Variants in CNOT1 observed in about 807,000 individuals in gnomAD.
CNOT1 encodes CCR4-NOT transcription complex subunit 1, also known as CCR4-associated factor 1.
CNOT1 carries 15 observed loss-of-function variants against 273.8 expected under a neutral mutation model. The observed-to-expected ratio is 0.05, with a 90% CI of 0.04 to 0.08. The LOEUF is 0.08. Ranked by LOEUF, CNOT1 falls within the 10% of genes least tolerant of loss-of-function variation. The probability of loss-of-function intolerance (pLI) is 1.00; values close to 1 mark genes in which losing one functional copy is unlikely to be tolerated. For synonymous variants in CNOT1, 1,022 were observed against 1,005.5 expected, an observed-to-expected ratio of 1.02 and a Z score of -0.31; for missense variants, 1,644 against 2,912.2, an observed-to-expected ratio of 0.56 and a Z score of 10.02.
At chr16:58,552,384 T>A (rs1364477067) in intron 22 of CNOT1, among the ~76,000 whole-genome samples, 4 of 152,118 alleles carry the variant, frequency 2.6e-5, no homozygotes, top group African/African-American at 9.7e-5. Flanking sequence ...ATTTCTCAAG[T>A]AGGAAAGAGT....
rs148804043 is a variant in CNOT1 at position 58,521,522 on chromosome 16, C to G, written c.6918-205G>C. On this transcript the variant is annotated intron_variant, in intron 47 of 48. Transcript: ENST00000317147. ...GAACCCTGCTCTTAGCCGTAGAAGA[C>G]TAAGTATTTATATAAAGTGCAGATA... Among the ~76,000 whole-genome samples, 6 of 152,286 alleles carry G rather than the reference C, an allele frequency of 3.9e-5. No homozygotes were observed. In the East Asian group the frequency reaches 7.7e-4, roughly 20 times the overall value.
At chr16:58,586,890 T>C in intron 6 of CNOT1, 142 bp from the exon 7 acceptor site, 1 of 1,040,486 alleles carries the variant, frequency 9.6e-7, no homozygotes, top group Non-Finnish European at 1.4e-6. Flanking sequence ...AGCTGACAGG[T>C]ATAAAGAAAC....
chr16:58,536,951 T>A, intron 39 of CNOT1, 38 bp downstream of exon 39: 4 of 1,608,262 alleles, frequency 2.5e-6, no homozygotes, highest in Non-Finnish European at 3.4e-6. Flanking sequence ...ACCCTACTTA[T>A]GTTGAATAAA....
intron 1 of CNOT1, among the ~76,000 whole-genome samples, chr16:58,629,297 G>A (rs948745464): frequency 5.3e-5 from 8 of 152,206 alleles, no homozygotes; most frequent in African/African-American, 1.9e-4. Flanking sequence ...CTCGGAAGCC[G>A]ATGCCCACTG....
chr16:58,554,243 AAGT>A (rs1292017378), intron 21 of CNOT1, among the ~76,000 whole-genome samples: 1 of 152,144 alleles, frequency 6.6e-6, no homozygotes, highest in African/African-American at 2.4e-5. Flanking sequence ...GTAGTAACGT[AAGT>A]CTCAAAAAAC....
At chr16:58,569,814 G>A (rs570858591) in intron 16 of CNOT1, among the ~76,000 whole-genome samples, 6 of 152,056 alleles carry the variant, frequency 3.9e-5, no homozygotes, top group African/African-American at 9.6e-5. Context: ...AAAAAGGTAC[G>A]GAAAGATTTG....
chr16:58,554,448 A>C (rs1352016425), intron 21 of CNOT1, among the ~76,000 whole-genome samples: 2 of 152,228 alleles, frequency 1.3e-5, no homozygotes, highest in Non-Finnish European at 2.9e-5. Context: ...AGGCAGGAAG[A>C]TCACTTGAGG....
chr16:58,626,406 CAAAAAA>C (rs34556623), intron 1 of CNOT1, among the ~76,000 whole-genome samples: 4 of 60,960 alleles, frequency 6.6e-5, no homozygotes, highest in East Asian at 5.3e-4. Context: ...GACTGCGTCT[CAAAAAA>C]AAAAAAAAAA....
Position 58,545,392 on chromosome 16 carries a change from C to G in CNOT1, c.4106G>C (p.Gly1369Ala). 1 of 1,613,968 alleles carries G rather than the reference C, an allele frequency of 6.2e-7. No individual in the cohort carries two copies. Among genetic ancestry groups the G allele is most frequent in the South Asian group, 1.1e-5 (1 of 91,074 alleles). Residue 1369 changes from glycine (G) to alanine (A), a missense_variant, in exon 30 of 49, where the codon GGC (glycine) becomes GCC (alanine). Gly to Ala is a moderately conservative substitution (Grantham distance 60). Around this residue, in one of 13 missense-constraint regions of CNOT1, gnomAD observed 133 missense variants for 230.4 expected, o/e 0.58. Coordinates refer to ENST00000317147, the MANE Select transcript of CNOT1 (RefSeq NM_016284.5). ...YHDINVYSLA[G>A]LAPHITLNPT... ...ATTCAGAGTAATGTGTGGTGCCAAG[C>G]CCGCAAGGGAATAGACATTGATGTC...
chr16:58,575,537 G>A (rs928785421), intron 14 of CNOT1, among the ~76,000 whole-genome samples: 2 of 152,156 alleles, frequency 1.3e-5, no homozygotes, highest in Admixed American at 6.5e-5. Flanking sequence ...GGTGGCTCAC[G>A]ACTGTAATCC....
chr16:58,558,814 C>T (rs190873790), intron 17 of CNOT1, 140 bp from the exon 18 acceptor site: 1 of 1,190,066 alleles, frequency 8.4e-7, no homozygotes, highest in African/African-American at 1.5e-5. Context: ...TACTTAAATC[C>T]CAGTTATCAA....
At chr16:58,564,152 T>C (rs1397209378) in intron 16 of CNOT1, among the ~76,000 whole-genome samples, 2 of 152,202 alleles carry the variant, frequency 1.3e-5, no homozygotes, top group Non-Finnish European at 2.9e-5. Context: ...AATAAGTATG[T>C]ATTTGTTTTT....
intron 39 of CNOT1, among the ~76,000 whole-genome samples, chr16:58,535,041 A>G (rs1350710152): frequency 6.6e-6 from 1 of 152,250 alleles, no homozygotes; most frequent in Non-Finnish European, 1.5e-5. Context: ...CATATGAACT[A>G]GAAGTGAAGC....
intron 2 of CNOT1, chr16:58,599,034 G>C (rs2042369409): frequency 4.6e-6 from 2 of 432,880 alleles, no homozygotes; most frequent in Non-Finnish European, 3.9e-6. Context: ...CTGGACGACA[G>C]AGTAAGACTC....
intron 39 of CNOT1, among the ~76,000 whole-genome samples, chr16:58,536,526 G>T (rs1430194787): frequency 6.6e-6 from 1 of 152,052 alleles, no homozygotes; most frequent in African/African-American, 2.4e-5. Flanking sequence ...ATACTGGGAA[G>T]TATTTTCCAA....
At chr16:58,570,989 G>A (rs1400174347) in intron 16 of CNOT1, among the ~76,000 whole-genome samples, 1 of 152,084 alleles carries the variant, frequency 6.6e-6, no homozygotes. Flanking sequence ...TACATTAAAT[G>A]CAAGACAGGC....
Position 58,555,331 on chromosome 16 carries a change from A to G in CNOT1, c.2811T>C (p.Tyr937=), listed in dbSNP as rs145768046. 250 of 1,614,088 alleles carry G rather than the reference A, an allele frequency of 1.5e-4. 1 individual carries two copies. Among genetic ancestry groups the G allele is most frequent in the Non-Finnish European group, 1.9e-4 (230 of 1,180,040 alleles). ...AAGGCTTGCGTAAGGCTTCAAGAACATATCGTAGAGCCAGACCTAGTGCCA... is the reference window on the plus strand; with the variant it reads ...AAGGCTTGCGTAAGGCTTCAAGAACGTATCGTAGAGCCAGACCTAGTGCCA... ...TYMALGLALR[Y]VLEALRKPFG... is the part of the protein sequence containing the mutation. Residue 937 remains tyrosine (Y), a synonymous_variant, in exon 21 of 49, where the codon TAT becomes TAC. Transcript: ENST00000317147.
intron 1 of CNOT1, among the ~76,000 whole-genome samples, chr16:58,601,773 A>C (rs2042476162): frequency 7.0e-6 from 1 of 143,180 alleles, no homozygotes; most frequent in Non-Finnish European, 1.5e-5. Flanking sequence ...ACGGTGGCAA[A>C]CACCTGTAAT....
intron 1 of CNOT1, among the ~76,000 whole-genome samples, chr16:58,616,065 C>A (rs375085078): frequency 1.6e-5 from 2 of 124,592 alleles, no homozygotes; most frequent in East Asian, 3.9e-4. Context: ...GGGCAAGACA[C>A]TGACTCTACC....
Sources: gnomAD v4.1 joint callset for allele counts (sites outside exome capture counted in the v4.1 genomes callset) on GRCh38, gnomAD v4.1.1 for gene constraint, gnomAD v4.1.1 regional missense constraint, MANE v1.5 for transcripts, NCBI Gene and HGNC (gene_info 2026-07-23, HGNC 2026-07-21) for gene names.